The following MECR variants were observed in gnomAD, a reference collection of about 807,000 sequenced individuals.
MECR encodes mitochondrial trans-2-enoyl-CoA reductase.
In MECR, 37 loss-of-function variants were observed where a neutral mutation model predicts 49.1. The ratio of observed to expected loss-of-function variants is 0.75; its 90% CI spans 0.58 to 0.99. The LOEUF (loss-of-function observed/expected upper bound fraction) is 0.99, where lower values mean the gene tolerates loss of function less well. MECR is among the 50% of genes least tolerant of loss of function. The pLI, the probability that MECR is intolerant of heterozygous loss-of-function variation, is 0.00. For missense variants in MECR, 470 were observed against 479.6 expected (o/e 0.98, Z 0.19); for synonymous variants, 198 against 191.1 (o/e 1.04, Z -0.30).
chr1:29,202,929 TC>T (rs1402277779), intron 5 of MECR, among the ~76,000 whole-genome samples: 1 of 152,186 alleles, frequency 6.6e-6, no homozygotes, highest in African/African-American at 2.4e-5. Flanking sequence ...CATGTCAGAT[TC>T]ACTCATCCTA....
intron 7 of MECR, among the ~76,000 whole-genome samples, chr1:29,198,815 C>T (rs979555681): frequency 1.3e-5 from 2 of 152,160 alleles, no homozygotes; most frequent in Non-Finnish European, 2.9e-5. Flanking sequence ...CGAGGTTTCA[C>T]CATGTTGGCC....
chr1:29,194,658 G>A (rs1262606878), intron 9 of MECR, among the ~76,000 whole-genome samples: 1 of 152,166 alleles, frequency 6.6e-6, no homozygotes, highest in Non-Finnish European at 1.5e-5. Flanking sequence ...CCCCACGACC[G>A]GACGCCACCA....
chr1:29,169,941 T>C, the MECR span: 1 of 152,232 alleles, frequency 6.6e-6, no homozygotes, highest in Non-Finnish European at 1.5e-5. Flanking sequence ...CCAACTTTGT[T>C]TTAGCTATTC....
the MECR span, among the ~76,000 whole-genome samples, chr1:29,175,005 A>G: frequency 6.2e-5 from 9 of 144,130 alleles, no homozygotes; most frequent in South Asian, 1.7e-3. Flanking sequence ...AAAAAAAGAA[A>G]AGAAGAGAGA....
At chr1:29,195,568 C>T (rs1430013230) in intron 9 of MECR, among the ~76,000 whole-genome samples, 1 of 152,202 alleles carries the variant, frequency 6.6e-6, no homozygotes, top group Non-Finnish European at 1.5e-5. Flanking sequence ...TAAACTGAGG[C>T]AGAGATTAAG....
At position 29,206,755 on chromosome 1, in the gene MECR, T is replaced by C. The variant is rs1421035195; in HGVS notation, c.550+7A>G. On this transcript the variant is annotated splice_region_variant and intron_variant, in intron 4 of 9. Transcript: ENST00000263702. ...CTGGCCTGCTCCCCCAACCTGTGGGTTCCTACCTGGCTGCAGTTGCTCGAA... is the reference window on the plus strand; with the variant it reads ...CTGGCCTGCTCCCCCAACCTGTGGGCTCCTACCTGGCTGCAGTTGCTCGAA... The C allele has an allele frequency of 6.2e-7, 1 of 1,613,946 alleles. No homozygotes were observed. Among genetic ancestry groups the C allele is most frequent in the Admixed American group, 1.7e-5 (1 of 59,988 alleles).
chr1:29,172,255 C>T, the MECR span: 1 of 151,990 alleles, frequency 6.6e-6, no homozygotes, highest in Non-Finnish European at 1.5e-5. Flanking sequence ...TCAAGAAAAA[C>T]TTCCTGATTA....
At chr1:29,217,547 A>T (rs1237687655) in intron 1 of MECR, among the ~76,000 whole-genome samples, 1 of 151,906 alleles carries the variant, frequency 6.6e-6, no homozygotes, top group African/African-American at 2.4e-5. Context: ...GGGACAGGAA[A>T]CCTCTGCTGG....
At chr1:29,215,303 G>A (rs375015099) in intron 3 of MECR, among the ~76,000 whole-genome samples, 2 of 152,162 alleles carry the variant, frequency 1.3e-5, no homozygotes, top group African/African-American at 2.4e-5. Context: ...ATTCAGACTC[G>A]GCACAGTGGC....
chr1:29,183,649 T>A, the MECR span, among the ~76,000 whole-genome samples: 1 of 152,226 alleles, frequency 6.6e-6, no homozygotes, highest in South Asian at 2.1e-4. Context: ...TTCCTATTTC[T>A]GTCTGTGTAT....
intron 1 of MECR, among the ~76,000 whole-genome samples, chr1:29,218,051 T>A (rs1679904027): frequency 6.6e-6 from 1 of 151,798 alleles, no homozygotes; most frequent in South Asian, 2.1e-4. Flanking sequence ...CAGTGGTGGT[T>A]TGGACCTGAT....
intron 7 of MECR, among the ~76,000 whole-genome samples, chr1:29,198,420 G>C (rs1296191418): frequency 6.6e-6 from 1 of 152,214 alleles, no homozygotes; most frequent in Admixed American, 6.5e-5. Context: ...GCAGGGGCTT[G>C]AACCCAGCCA....
Position 29,230,772 on chromosome 1 carries a change from C to A in MECR, c.135G>T (p.Ala45=). 1 of 1,598,406 alleles carries A rather than the reference C, an allele frequency of 6.3e-7. No individual in the cohort carries two copies. The highest frequency in any genetic ancestry group is 8.5e-7 in the Non-Finnish European group (1 of 1,173,116). Residue 45 remains alanine (A), a synonymous_variant, in exon 1 of 10, where the codon GCG becomes GCT. Transcript: ENST00000263702. ...SASAEPARVR[A]LVYGHHGDPA... is the part of the protein sequence containing the mutation. ...GATCCCCGTGGTGCCCATAGACAAGCGCCCGGACCCGGGCAGGCTCGGCGG... is the reference window on the plus strand; with the variant it reads ...GATCCCCGTGGTGCCCATAGACAAGAGCCCGGACCCGGGCAGGCTCGGCGG...
intron 8 of MECR, 70 bp from the exon 9 acceptor site, chr1:29,196,083 T>C (rs779251340): frequency 5.6e-5 from 89 of 1,595,220 alleles, no homozygotes; most frequent in Non-Finnish European, 7.5e-5. Context: ...GGGTACAGAC[T>C]CCCCTCCAGG....
chr1:29,208,965 G>C (rs1376429669), intron 3 of MECR, among the ~76,000 whole-genome samples: 1 of 152,224 alleles, frequency 6.6e-6, no homozygotes, highest in Non-Finnish European at 1.5e-5. Flanking sequence ...TCTTAGGTAG[G>C]GCATGCAGCA....
At chr1:29,180,764 A>C in the MECR span, among the ~76,000 whole-genome samples, 3 of 152,230 alleles carry the variant, frequency 2.0e-5, no homozygotes, top group African/African-American at 7.2e-5. Context: ...ATTCCTCAAC[A>C]GTTTTCCCTA....
intron 3 of MECR, among the ~76,000 whole-genome samples, chr1:29,213,361 T>A (rs1361250253): frequency 6.6e-6 from 1 of 152,060 alleles, no homozygotes; most frequent in Non-Finnish European, 1.5e-5. Context: ...GCCTTCCTGA[T>A]CTCAGAGAAG....
At chr1:29,177,283 G>GTTTT in the MECR span, among the ~76,000 whole-genome samples, 3 of 137,880 alleles carry the variant, frequency 2.2e-5, no homozygotes, top group African/African-American at 5.4e-5. Context: ...AACTCTTTTT[G>GTTTT]TTTTTTTTTT....
the MECR span, among the ~76,000 whole-genome samples, chr1:29,177,571 C>T: frequency 1.3e-5 from 2 of 152,098 alleles, no homozygotes; most frequent in East Asian, 1.9e-4. Flanking sequence ...TGTGAGCCAC[C>T]GTGCCAGGCC....
Sources: allele counts gnomAD v4.1 joint callset (sites outside exome capture counted in the v4.1 genomes callset), GRCh38; gene constraint gnomAD v4.1.1; transcripts MANE v1.5; gene names NCBI Gene and HGNC (gene_info 2026-07-23, HGNC 2026-07-21).